Variants in BAG1 observed in about 807,000 individuals in gnomAD.
BAG1 encodes BAG family molecular chaperone regulator 1.
In BAG1, 35 loss-of-function variants were observed where a neutral mutation model predicts 35.5. The observed-to-expected ratio is 0.99, with a 90% CI of 0.75 to 1.31. BAG1 has a LOEUF of 1.31. Among genes scored for constraint, BAG1 ranks in the 50% most tolerant of loss-of-function variants. BAG1 has a pLI of 0.00. For missense variants in BAG1, 464 were observed against 453.6 expected, an observed-to-expected ratio of 1.02 and a Z score of -0.21; for synonymous variants, 191 against 178.9, an observed-to-expected ratio of 1.07 and a Z score of -0.54.
intron 3 of BAG1, chr9:33,259,669 G>A (rs1820528652): frequency 6.6e-6 from 1 of 152,232 alleles, no homozygotes; most frequent in Non-Finnish European, 1.5e-5. Context: ...CTGAAGCCTG[G>A]AGGGTAATCA....
rs1437303274 is a variant in BAG1, at chr9:33,253,852, C to T, written c.*1367G>A. ...CTTTTTATTTATCTACTTTTACTTA[C>T]TTAAATTTTAGAGATGGGGTCTTGC... On this transcript the variant is annotated 3_prime_UTR_variant, in exon 7 of 7. Transcript: ENST00000634734. 4 of 150,416 alleles carry T rather than the reference C, an allele frequency of 2.7e-5. No homozygotes were observed. Among genetic ancestry groups the T allele is most frequent in the African/African-American group, 9.8e-5 (4 of 40,850 alleles). 9.3% of individuals were successfully genotyped at this position (150,416 alleles called of 1,614,324 possible).
Position 33,263,198 on chromosome 9 carries a change from C to G in BAG1, c.452-368G>C, listed in dbSNP as rs3758272. On this transcript the variant is annotated intron_variant, in intron 1 of 6. Transcript: ENST00000634734. ...CCTATGGAGACTCAACTGTTGGAAT[C>G]AGAAGTTGATATCAGATCTAGCTGA... Among the ~76,000 whole-genome samples, 114 of 152,334 alleles carry G rather than the reference C, an allele frequency of 7.5e-4. 1 individual carries two copies. The East Asian group carries it at 0.015, about 20-fold the overall frequency.
At position 33,253,307 on chromosome 9, in the gene BAG1, C is replaced by T. The variant is rs957290508; in HGVS notation, c.*1912G>A. ...ACCCAGCTTTGTGTCTTGGCTTTGC[C>T]GCTTACTCTACAACCTTGCGCTAAT... On this transcript the variant is annotated 3_prime_UTR_variant, in exon 7 of 7. Transcript: ENST00000634734. The T allele has an allele frequency of 4.6e-5, 7 of 152,308 alleles. No individual in the cohort carries two copies. In the East Asian group the frequency reaches 1.2e-3, roughly 25 times the overall value. 9.4% of individuals were successfully genotyped at this position (152,308 alleles called of 1,614,324 possible).
Position 33,264,427 on chromosome 9 carries a change from C to T in BAG1, c.248G>A (p.Ser83Asn). ...CTCCTCGCTCCGGGTCAACTCCTCG[C>T]TCCGGGTCGAGCGGCGCCGGGTTTT... Residue 83 changes from serine to asparagine, a missense_variant, in exon 1 of 7, where the codon AGC becomes AAC. By Grantham distance (46) the Ser-to-Asn change is conservative. Transcript: ENST00000634734. 1 of 1,614,130 alleles carries T rather than the reference C, an allele frequency of 6.2e-7. No individual in the cohort carries two copies. The highest frequency in any genetic ancestry group is 8.5e-7 in the Non-Finnish European group (1 of 1,180,012).
chr9:33,259,655 A>G (rs1468508526), intron 3 of BAG1: 2 of 152,214 alleles, frequency 1.3e-5, no homozygotes, highest in Admixed American at 1.3e-4. Flanking sequence ...ATCAACAACC[A>G]AGACTGAAGC....
In BAG1 at chr9:33,264,516, G is replaced by T. The variant is rs761885636; in HGVS notation, c.159C>A (p.Ala53=). 5 of 1,597,188 alleles carry T rather than the reference G, an allele frequency of 3.1e-6. No individual in the cohort carries two copies. The highest frequency in any genetic ancestry group is 4.3e-6 in the Non-Finnish European group (5 of 1,174,022). Residue 53 remains alanine (A), a synonymous_variant, in exon 1 of 7, where the codon GCC becomes GCA. Coordinates refer to ENST00000634734, the MANE Select transcript of BAG1 (RefSeq NM_004323.6). The stretch of plus-strand genomic sequence containing the variant: ...CCCTGGTGGGTCGGTCATGCCCGCT[G>T]GCAGTACTCCGGGCAGGTGGACGCC...
At chr9:33,262,917 C>G (rs1820608965) in intron 1 of BAG1, 87 bp from the exon 2 acceptor site, 3 of 1,540,588 alleles carry the variant, frequency 1.9e-6, no homozygotes, top group Non-Finnish European at 2.6e-6. Flanking sequence ...ATTTACCCAG[C>G]CTTCAAGGCC....
At position 33,254,565 on chromosome 9, in the gene BAG1, G is replaced by A. The variant is rs1424534940; in HGVS notation, c.*654C>T. 6.3e-6 allele frequency: 1 copy of A among 158,796 alleles called. No homozygotes were observed. Among genetic ancestry groups the A allele is most frequent in the Admixed American group, 6.1e-5 (1 of 16,510 alleles). 9.8% of individuals were successfully genotyped at this position (158,796 alleles called of 1,614,324 possible). A position where few individuals can be genotyped will look rare whatever the true frequency, so the allele number is the denominator to read the frequency against. On this transcript the variant is annotated 3_prime_UTR_variant, in exon 7 of 7. Coordinates refer to ENST00000634734, the MANE Select transcript of BAG1 (RefSeq NM_004323.6). ...TTCTAACCTTCTGAAGACTTGCTTGGGGACAAGGAAGCCTTGCATCAACCA... is the reference window on the plus strand; with the variant it reads ...TTCTAACCTTCTGAAGACTTGCTTGAGGACAAGGAAGCCTTGCATCAACCA...
chr9:33,262,029 T>TA, intron 2 of BAG1: 4 of 1,206,142 alleles, frequency 3.3e-6, no homozygotes, highest in Non-Finnish European at 4.2e-6. Flanking sequence ...AATGATTATT[T>TA]AATAGTAATT....
At chr9:33,256,586 T>C (rs1229662989) in intron 5 of BAG1, among the ~76,000 whole-genome samples, 1 of 152,224 alleles carries the variant, frequency 6.6e-6, no homozygotes, top group Non-Finnish European at 1.5e-5. Context: ...AAAAGTCCTA[T>C]GCTGGAGGGC....
intron 4 of BAG1, 35 bp from the exon 5 acceptor site, chr9:33,256,943 C>A (rs1421256425): frequency 1.3e-6 from 2 of 1,533,006 alleles, no homozygotes; most frequent in South Asian, 2.2e-5. Flanking sequence ...CAAGGGTTCT[C>A]TGAGGCTGAC....
chr9:33,259,361 C>CAAAAAAAAAAAAA (rs796698504), intron 3 of BAG1: 1 of 134,180 alleles, frequency 7.5e-6, no homozygotes, highest in Non-Finnish European at 1.6e-5. Flanking sequence ...GAGACTGTCT[C>CAAAAAAAAAAAAA]AAAAAAAAAA....
At chr9:33,261,802 G>C (rs778211760) in intron 2 of BAG1, 1 of 852,316 alleles carries the variant, frequency 1.2e-6, no homozygotes, top group African/African-American at 1.8e-5. Context: ...GATTCTCAGG[G>C]GGGTGGGAAG....
Position 33,254,835 on chromosome 9 carries a change from A to G in BAG1, c.*384T>C, listed in dbSNP as rs1820417205. On this transcript the variant is annotated 3_prime_UTR_variant, in exon 7 of 7. Coordinates refer to ENST00000634734, the MANE Select transcript of BAG1 (RefSeq NM_004323.6). ...ACAGCTATGGGACTACACGATCACAAGAGCAAAGAAGCCCTCATGTATCTG... is the reference window on the plus strand; with the variant it reads ...ACAGCTATGGGACTACACGATCACAGGAGCAAAGAAGCCCTCATGTATCTG... The G allele has an allele frequency of 2.6e-6, 1 of 386,276 alleles. No individual in the cohort carries two copies. Among genetic ancestry groups the G allele is most frequent in the Non-Finnish European group, 4.8e-6 (1 of 206,236 alleles). 23.9% of individuals were successfully genotyped at this position (386,276 alleles called of 1,614,324 possible).
At chr9:33,262,485 T>C (rs565812163) in intron 2 of BAG1, among the ~76,000 whole-genome samples, 1 of 151,960 alleles carries the variant, frequency 6.6e-6, no homozygotes, top group South Asian at 2.1e-4. Context: ...GGTGAAACCC[T>C]GTCTCTACTA....
rs1820387030 is a variant in BAG1 at position 33,253,794 on chromosome 9, A to G, written c.*1425T>C. On this transcript the variant is annotated 3_prime_UTR_variant, in exon 7 of 7. Coordinates refer to ENST00000634734, the MANE Select transcript of BAG1 (RefSeq NM_004323.6). ...AAAAAAAAAAGCAAACCACTCTTCT[A>G]CTTTATGATGAGCACATAAACAGTT... 6.7e-6 allele frequency: 1 copy of G among 148,612 alleles called. No individual in the cohort carries two copies. Among genetic ancestry groups the G allele is most frequent in the Non-Finnish European group, 1.5e-5 (1 of 67,452 alleles). The allele number at this position is 148,612 out of a possible 1,614,324, so 9.2% of individuals were successfully genotyped here.
chr9:33,256,712 G>A, intron 5 of BAG1, 89 bp downstream of exon 5: 2 of 1,101,452 alleles, frequency 1.8e-6, no homozygotes, highest in Non-Finnish European at 2.7e-6. Context: ...GGTTTGCTCA[G>A]GCAATAGGAG....
intron 2 of BAG1, chr9:33,262,156 CCAT>C (rs762384526): frequency 2.3e-6 from 3 of 1,289,688 alleles, no homozygotes; most frequent in African/African-American, 3.0e-5. Flanking sequence ...GAGATTTCTG[CCAT>C]CATCATAAGA....
intron 2 of BAG1, among the ~76,000 whole-genome samples, chr9:33,262,491 T>C (rs534962199): frequency 6.6e-6 from 1 of 152,100 alleles, no homozygotes; most frequent in East Asian, 1.9e-4. Flanking sequence ...ACCCTGTCTC[T>C]ACTAAAAATA....
Sources: gnomAD v4.1 joint callset for allele counts (sites outside exome capture counted in the v4.1 genomes callset) on GRCh38, gnomAD v4.1.1 for gene constraint, MANE v1.5 for transcripts, NCBI Gene and HGNC (gene_info 2026-07-23, HGNC 2026-07-21) for gene names.